The following C10orf90 variants were observed in gnomAD, a reference collection of about 807,000 sequenced individuals.
C10orf90 encodes the protein chromosome 10 open reading frame 90.
A neutral mutation model predicts 62.5 loss-of-function variants in C10orf90; 56 were observed. That is an observed-to-expected ratio of 0.90 (90% confidence interval 0.72 to 1.12). C10orf90 has a LOEUF of 1.12. Among genes scored for constraint, C10orf90 ranks in the 50% most tolerant of loss-of-function variants. The pLI is 0.00. For missense variants in C10orf90, 970 were observed against 880.4 expected, an observed-to-expected ratio of 1.10 and a Z score of -1.29; for synonymous variants, 386 against 340.4, an observed-to-expected ratio of 1.13 and a Z score of -1.47.
At chr10:126,630,329 G>T (rs1456148995) in intron 2 of C10orf90, among the ~76,000 whole-genome samples, 2 of 152,170 alleles carry the variant, frequency 1.3e-5, no homozygotes, top group African/African-American at 4.8e-5. Context: ...GCCCAGCATG[G>T]CACCAGTGTA....
At chr10:126,429,227 T>C (rs1735494455) in intron 8 of C10orf90, among the ~76,000 whole-genome samples, 1 of 152,066 alleles carries the variant, frequency 6.6e-6, no homozygotes, top group South Asian at 2.1e-4. Flanking sequence ...GTGGGAGTCT[T>C]GAACAGCCAC....
chr10:126,438,476 GTAGGACTTA>G (rs920579024), intron 7 of C10orf90, among the ~76,000 whole-genome samples: 4 of 151,826 alleles, frequency 2.6e-5, no homozygotes, highest in Non-Finnish European at 5.9e-5. Flanking sequence ...TTTTTTTTCT[GTAGGACTTA>G]TCAGTGCTTT....
chr10:126,662,769 C>T (rs1846543494), intron 1 of C10orf90, among the ~76,000 whole-genome samples: 1 of 150,012 alleles, frequency 6.7e-6, no homozygotes. Flanking sequence ...ACACCCTGGC[C>T]TGGCATCATT....
chr10:126,473,004 T>C (rs1860663554), intron 4 of C10orf90, among the ~76,000 whole-genome samples: 1 of 152,208 alleles, frequency 6.6e-6, no homozygotes, highest in Non-Finnish European at 1.5e-5. Context: ...TTTTGACTTC[T>C]CTTCAATTTA....
At chr10:126,592,945 C>T (rs1172960870) in intron 2 of C10orf90, among the ~76,000 whole-genome samples, 13 of 152,194 alleles carry the variant, frequency 8.5e-5, no homozygotes, top group African/African-American at 2.9e-4. Flanking sequence ...AAAAGCTCAA[C>T]TTCACTGATC....
At chr10:126,614,638 T>C (rs1845504699) in intron 2 of C10orf90, among the ~76,000 whole-genome samples, 1 of 152,186 alleles carries the variant, frequency 6.6e-6, no homozygotes, top group Non-Finnish European at 1.5e-5. Context: ...TCCTCCTCCA[T>C]TTATTTCTGC....
intron 2 of C10orf90, among the ~76,000 whole-genome samples, chr10:126,626,723 C>G (rs994357973): frequency 3.3e-5 from 5 of 152,150 alleles, no homozygotes; most frequent in Non-Finnish European, 5.9e-5. Flanking sequence ...ATACAGTGAG[C>G]TATATTGGTG....
At chr10:126,607,539 T>C (rs1014024356) in intron 2 of C10orf90, among the ~76,000 whole-genome samples, 1 of 152,226 alleles carries the variant, frequency 6.6e-6, no homozygotes, top group African/African-American at 2.4e-5. Context: ...AATTTTAAAT[T>C]AGAATTTTGA....
rs1238485298 is a variant in C10orf90, at chr10:126,465,371, T to C, written c.1535-385A>G. ...TATTTATTATTATATTATTTAGGTT[T>C]CTGTAATCAGTTTATTTCTATAACA... On this transcript the variant is annotated intron_variant, in intron 4 of 9. Transcript: ENST00000488181. 2.0e-5 allele frequency among the ~76,000 whole-genome samples: 3 copies of C among 151,752 alleles called. No homozygotes were observed. The East Asian group carries it at 5.8e-4, about 29-fold the overall frequency.
intron 4 of C10orf90, among the ~76,000 whole-genome samples, chr10:126,491,701 T>C (rs535220823): frequency 6.6e-6 from 1 of 152,338 alleles, no homozygotes; most frequent in East Asian, 1.9e-4. Context: ...TGAGAATTTC[T>C]AGAAGGAAAC....
intron 2 of C10orf90, among the ~76,000 whole-genome samples, chr10:126,576,400 C>T (rs1172565653): frequency 1.3e-5 from 2 of 151,704 alleles, no homozygotes; most frequent in African/African-American, 4.8e-5. Flanking sequence ...TGGCTACTAT[C>T]AAAAAGACAA....
intron 2 of C10orf90, among the ~76,000 whole-genome samples, chr10:126,619,567 C>A (rs2133813761): frequency 6.6e-6 from 1 of 152,324 alleles, no homozygotes; most frequent in East Asian, 1.9e-4. Context: ...TGTTGGTCAT[C>A]AGATATCCTC....
At chr10:126,448,558 TGAAA>T (rs1465870745) in intron 7 of C10orf90, among the ~76,000 whole-genome samples, 5 of 151,994 alleles carry the variant, frequency 3.3e-5, no homozygotes, top group East Asian at 3.9e-4. Flanking sequence ...AAGAAATAAA[TGAAA>T]GAGAGACTAG....
intron 2 of C10orf90, among the ~76,000 whole-genome samples, chr10:126,572,850 G>A (rs867365411): frequency 6.6e-6 from 1 of 151,928 alleles, no homozygotes; most frequent in African/African-American, 2.4e-5. Flanking sequence ...CAAATGCAAC[G>A]GCAATGTCAG....
intron 2 of C10orf90, among the ~76,000 whole-genome samples, chr10:126,534,788 G>T (rs1482484043): frequency 1.3e-5 from 2 of 152,156 alleles, no homozygotes; most frequent in African/African-American, 2.4e-5. Context: ...GCAAGCGGTG[G>T]CTTTGGAATC....
At chr10:126,474,241 A>C (rs1047911337) in intron 4 of C10orf90, among the ~76,000 whole-genome samples, 2 of 152,198 alleles carry the variant, frequency 1.3e-5, no homozygotes, top group African/African-American at 4.8e-5. Flanking sequence ...AGGAGGCTCC[A>C]TCTGCCTCCA....
intron 2 of C10orf90, among the ~76,000 whole-genome samples, chr10:126,618,240 C>A (rs540010077): frequency 6.6e-6 from 1 of 152,140 alleles, no homozygotes; most frequent in Non-Finnish European, 1.5e-5. Flanking sequence ...TGCTATGGCC[C>A]GCATGATGCA....
chr10:126,650,546 C>T (rs1012604211), intron 1 of C10orf90, among the ~76,000 whole-genome samples: 4 of 152,098 alleles, frequency 2.6e-5, no homozygotes, highest in Admixed American at 2.0e-4. Context: ...AAGTCACACC[C>T]CCCTAGTAAT....
chr10:126,663,814 T>C (rs1295421284), intron 1 of C10orf90, among the ~76,000 whole-genome samples: 3 of 152,306 alleles, frequency 2.0e-5, no homozygotes, highest in African/African-American at 7.2e-5. Context: ...GATTTCTGGA[T>C]GCCACCCCTC....
Sources: allele counts gnomAD v4.1 joint callset (sites outside exome capture counted in the v4.1 genomes callset), GRCh38; gene constraint gnomAD v4.1.1; transcripts MANE v1.5; gene names NCBI Gene and HGNC (gene_info 2026-07-23, HGNC 2026-07-21).